Variants in SCHIP1 observed in about 807,000 individuals in gnomAD.
SCHIP1 encodes schwannomin-interacting protein 1.
SCHIP1 carries 8 observed loss-of-function variants against 29.7 expected under a neutral mutation model. The ratio of observed to expected loss-of-function variants is 0.27; its 90% CI spans 0.16 to 0.49. SCHIP1 has a LOEUF of 0.49. Ranked by LOEUF, SCHIP1 falls within the 20% of genes least tolerant of loss-of-function variation. The pLI is 0.99. For missense variants in SCHIP1, 193 were observed against 294.6 expected, an observed-to-expected ratio of 0.66 and a Z score of 2.52; for synonymous variants, 76 against 94.9, an observed-to-expected ratio of 0.80 and a Z score of 1.16.
chr3:159,397,442 CTTTGTGGTT>C, the SCHIP1 span, among the ~76,000 whole-genome samples: 1 of 152,078 alleles, frequency 6.6e-6, no homozygotes, highest in Admixed American at 6.5e-5. Flanking sequence ...TTTTCCCCAT[CTTTGTGGTT>C]TTATCTACTT....
At chr3:159,794,054 A>G in the SCHIP1 span, among the ~76,000 whole-genome samples, 2 of 152,224 alleles carry the variant, frequency 1.3e-5, no homozygotes, top group Non-Finnish European at 2.9e-5. Context: ...CTTTAACGTC[A>G]TCACATCTAT....
At chr3:159,831,230 A>G in the SCHIP1 span, among the ~76,000 whole-genome samples, 4 of 152,218 alleles carry the variant, frequency 2.6e-5, no homozygotes, top group African/African-American at 9.6e-5. Flanking sequence ...TGTGGCTCAG[A>G]TGATTTAGTG....
chr3:159,310,379 GT>G, the SCHIP1 span, among the ~76,000 whole-genome samples: 2 of 152,028 alleles, frequency 1.3e-5, no homozygotes, highest in South Asian at 4.1e-4. Flanking sequence ...TAGAAGCTTT[GT>G]TTTTTAAAAA....
At chr3:159,277,398 T>A in the SCHIP1 span, among the ~76,000 whole-genome samples, 1 of 152,180 alleles carries the variant, frequency 6.6e-6, no homozygotes, top group African/African-American at 2.4e-5. Context: ...TCATTTTTGT[T>A]AAGATTCCTG....
rs892056541 is a variant in SCHIP1 at position 159,888,947 on chromosome 3, A to T, written c.589+4A>T. ...GATCTCCATTCCCAGATAGAAAGTA[A>T]GTGTAAGATATGCTTGAAAATAGGA... On this transcript the variant is annotated splice_donor_region_variant and intron_variant, in intron 5 of 6. Coordinates refer to ENST00000445224, the Ensembl canonical transcript of SCHIP1. The T allele has an allele frequency of 6.2e-7, 1 of 1,613,192 alleles. No homozygotes were observed. The highest frequency in any genetic ancestry group is 2.2e-5 in the East Asian group (1 of 44,874).
At chr3:159,383,540 G>A in the SCHIP1 span, among the ~76,000 whole-genome samples, 3 of 150,506 alleles carry the variant, frequency 2.0e-5, no homozygotes, top group African/African-American at 7.3e-5. Flanking sequence ...GTCAGGTAGT[G>A]TGATGCCTCC....
chr3:159,816,200 C>T, the SCHIP1 span, among the ~76,000 whole-genome samples: 1 of 152,112 alleles, frequency 6.6e-6, no homozygotes, highest in Non-Finnish European at 1.5e-5. Context: ...CCACCTGCCT[C>T]AGCTTCTCAA....
At chr3:159,618,803 C>A in the SCHIP1 span, among the ~76,000 whole-genome samples, 1 of 152,242 alleles carries the variant, frequency 6.6e-6, no homozygotes, top group Non-Finnish European at 1.5e-5. Context: ...TGACCTGCAA[C>A]CCTTGTTTCA....
chr3:159,307,796 G>C, the SCHIP1 span, among the ~76,000 whole-genome samples: 1 of 152,098 alleles, frequency 6.6e-6, no homozygotes, highest in African/African-American at 2.4e-5. Flanking sequence ...TGTATAGCCA[G>C]CCAGTTATCC....
chr3:159,605,595 A>C, the SCHIP1 span, among the ~76,000 whole-genome samples: 2 of 152,202 alleles, frequency 1.3e-5, no homozygotes, highest in African/African-American at 4.8e-5. Context: ...GGACACACAT[A>C]AAATTTTGAC....
the SCHIP1 span, among the ~76,000 whole-genome samples, chr3:159,586,772 C>G: frequency 6.6e-6 from 1 of 152,234 alleles, no homozygotes; most frequent in Non-Finnish European, 1.5e-5. Context: ...CTGCTGCCCT[C>G]TGCTGGAATG....
At chr3:159,419,813 A>G in the SCHIP1 span, among the ~76,000 whole-genome samples, 1 of 151,836 alleles carries the variant, frequency 6.6e-6, no homozygotes, top group South Asian at 2.1e-4. Flanking sequence ...CCATCTTAAG[A>G]AAAAAAAATT....
the SCHIP1 span, among the ~76,000 whole-genome samples, chr3:159,734,383 G>A: frequency 6.0e-4 from 91 of 151,684 alleles, no homozygotes; most frequent in African/African-American, 2.1e-3. Flanking sequence ...CTCATGATCC[G>A]CCCACCTCGG....
the SCHIP1 span, among the ~76,000 whole-genome samples, chr3:159,813,146 G>A: frequency 1.3e-5 from 2 of 152,168 alleles, no homozygotes; most frequent in Admixed American, 1.3e-4. Context: ...ATGAGTTTTG[G>A]AGGGAGCTGA....
chr3:159,609,567 A>G, the SCHIP1 span, among the ~76,000 whole-genome samples: 53,389 of 151,748 alleles, frequency 0.35, 14,411 homozygotes, highest in African/African-American at 0.76. Context: ...CTAAGGTTCA[A>G]CCAAAAAGAT....
the SCHIP1 span, chr3:159,765,292 C>A: frequency 2.3e-6 from 2 of 875,268 alleles, no homozygotes; most frequent in South Asian, 3.7e-5. Context: ...CCGTCTGCTC[C>A]CCTGGGGATA....
chr3:159,460,615 GTTT>G, the SCHIP1 span, among the ~76,000 whole-genome samples: 5 of 152,144 alleles, frequency 3.3e-5, no homozygotes, highest in Non-Finnish European at 7.4e-5. Flanking sequence ...GAAATTTCCA[GTTT>G]TAGCCCTGGA....
At chr3:159,524,944 T>A in the SCHIP1 span, among the ~76,000 whole-genome samples, 1 of 152,134 alleles carries the variant, frequency 6.6e-6, no homozygotes. Flanking sequence ...CACCATCATA[T>A]CTCCTGTAGA....
the SCHIP1 span, among the ~76,000 whole-genome samples, chr3:159,830,505 TAGTCC>T: frequency 1.7e-3 from 263 of 152,354 alleles, 1 homozygote; most frequent in African/African-American, 6.2e-3. Flanking sequence ...AAGGTCAGAA[TAGTCC>T]AAACTTCTGA....
Sources: gnomAD v4.1 joint callset for allele counts (sites outside exome capture counted in the v4.1 genomes callset) on GRCh38, gnomAD v4.1.1 for gene constraint, MANE v1.5 for transcripts, NCBI Gene and HGNC (gene_info 2026-07-23, HGNC 2026-07-21) for gene names.